The following JAM3 variants were observed in gnomAD, a reference collection of about 807,000 sequenced individuals.
JAM3 encodes the protein junctional adhesion molecule C.
A neutral mutation model predicts 39.4 loss-of-function variants in JAM3; 31 were observed. The observed-to-expected ratio is 0.79, with a 90% confidence interval of 0.59 to 1.06. The LOEUF (loss-of-function observed/expected upper bound fraction) is 1.06. Among genes scored for constraint, JAM3 ranks in the 50% least tolerant of loss-of-function variants. The pLI is 0.00. For missense variants in JAM3, 455 were observed against 391.4 expected, an observed-to-expected ratio of 1.16 and a Z score of -1.37; for synonymous variants, 182 against 148.7, an observed-to-expected ratio of 1.22 and a Z score of -1.63.
intron 3 of JAM3, among the ~76,000 whole-genome samples, chr11:134,142,569 C>T (rs1190450081): frequency 6.6e-6 from 1 of 152,116 alleles, no homozygotes; most frequent in Non-Finnish European, 1.5e-5. Context: ...TGTTGTTTTC[C>T]AGGTTCTTCC....
rs1565480779 is a variant in JAM3 at position 134,076,157 on chromosome 11, T to TC, written c.76+6998_76+6999insC. Reference sequence around the variant, plus strand: ...CTTTTCTTTTCTTTTCTTTCTTTTTTTTTTTTTTTTTTTTGAGATGGAGTT... The same window carrying TC: ...CTTTTCTTTTCTTTTCTTTCTTTTTTCTTTTTTTTTTTTTTGAGATGGAGTT... On this transcript the variant is annotated intron_variant, in intron 1 of 8. Coordinates refer to ENST00000299106, the MANE Select transcript of JAM3 (RefSeq NM_032801.5). 6.9e-4 allele frequency among the ~76,000 whole-genome samples: 100 copies of TC among 145,528 alleles called. 1 individual carries two copies. Among genetic ancestry groups the TC allele is most frequent in the African/African-American group, 2.4e-3 (95 of 39,930 alleles).
At chr11:134,116,940 A>G (rs1942445522) in intron 1 of JAM3, among the ~76,000 whole-genome samples, 1 of 152,132 alleles carries the variant, frequency 6.6e-6, no homozygotes, top group Non-Finnish European at 1.5e-5. Context: ...CTTGGCTGTC[A>G]TTACCTACAA....
chr11:134,112,289 T>G (rs1942328262), intron 1 of JAM3, among the ~76,000 whole-genome samples: 1 of 152,100 alleles, frequency 6.6e-6, no homozygotes, highest in Non-Finnish European at 1.5e-5. Context: ...GGTTTAACCA[T>G]GTTGACCAGG....
intron 1 of JAM3, among the ~76,000 whole-genome samples, chr11:134,135,628 C>T (rs1942851130): frequency 1.3e-5 from 2 of 151,792 alleles, no homozygotes; most frequent in Admixed American, 1.3e-4. Flanking sequence ...ACCCCCACCT[C>T]CTGGGTTCAA....
chr11:134,097,647 A>G (rs894211738), intron 1 of JAM3, among the ~76,000 whole-genome samples: 1 of 152,168 alleles, frequency 6.6e-6, no homozygotes, highest in African/African-American at 2.4e-5. Context: ...CAAGTTGCAA[A>G]GCATTAAAAA....
At chr11:134,082,935 C>T (rs1941690671) in intron 1 of JAM3, among the ~76,000 whole-genome samples, 1 of 152,140 alleles carries the variant, frequency 6.6e-6, no homozygotes, top group Non-Finnish European at 1.5e-5. Context: ...GAGTGGTATG[C>T]AAAAGCATTA....
At chr11:134,114,112 G>T (rs995040039) in intron 1 of JAM3, among the ~76,000 whole-genome samples, 13 of 152,118 alleles carry the variant, frequency 8.5e-5, no homozygotes, top group Non-Finnish European at 1.5e-4. Flanking sequence ...CAGATGAGTA[G>T]GTTGCAAAAA....
rs568551205 is a variant in JAM3 at position 134,082,235 on chromosome 11, C to T, written c.76+13076C>T. Among the ~76,000 whole-genome samples the T allele has an allele frequency of 2.6e-5, 4 of 152,344 alleles. No individual in the cohort carries two copies. The South Asian group carries it at 6.2e-4, about 24-fold the overall frequency. Reference sequence around the variant, plus strand: ...AGTAACTAACTTGCTTTTGATTTTACAGGTTCATAGGCAGAAGGGACTTGC... The same window carrying T: ...AGTAACTAACTTGCTTTTGATTTTATAGGTTCATAGGCAGAAGGGACTTGC... On this transcript the variant is annotated intron_variant, in intron 1 of 8. Transcript: ENST00000299106.
intron 1 of JAM3, among the ~76,000 whole-genome samples, chr11:134,105,014 G>C (rs1252505481): frequency 6.6e-6 from 1 of 152,142 alleles, no homozygotes; most frequent in African/African-American, 2.4e-5. Context: ...TATGAGGCCA[G>C]GATCATCGTG....
At chr11:134,116,386 C>T (rs977139193) in intron 1 of JAM3, among the ~76,000 whole-genome samples, 3 of 151,562 alleles carry the variant, frequency 2.0e-5, no homozygotes, top group Non-Finnish European at 4.4e-5. Context: ...GAAAATTTGG[C>T]CTCTGTCTCT....
At chr11:134,139,658 T>G (rs1336910365) in intron 1 of JAM3, 193 bp from the exon 2 acceptor site, 1 of 618,724 alleles carries the variant, frequency 1.6e-6, no homozygotes, top group Non-Finnish European at 2.9e-6. Flanking sequence ...CCTTGGCTCC[T>G]TCCAGTGAAG....
intron 1 of JAM3, among the ~76,000 whole-genome samples, chr11:134,123,201 TTTTA>T (rs1327757965): frequency 6.0e-5 from 9 of 150,138 alleles, no homozygotes; most frequent in South Asian, 2.1e-4. Flanking sequence ...ATGTCACTGC[TTTTA>T]TTTATTTAGT....
At chr11:134,116,523 C>T (rs1942436821) in intron 1 of JAM3, among the ~76,000 whole-genome samples, 1 of 152,140 alleles carries the variant, frequency 6.6e-6, no homozygotes. Context: ...CCACTGGAAG[C>T]TCTTTCAGGT....
chr11:134,144,135 C>A, intron 3 of JAM3, 106 bp from the exon 4 acceptor site: 1 of 1,036,608 alleles, frequency 9.6e-7, no homozygotes, highest in Non-Finnish European at 1.5e-6. Context: ...TATTGATCTG[C>A]AGGCTTCCTT....
At position 134,145,036 on chromosome 11, in the gene JAM3, T is replaced by A. The variant is rs147329497; in HGVS notation, c.612+42T>A. The stretch of plus-strand genomic sequence containing the variant: ...GAGGTGAGGATGGAGATGTCTTTGT[T>A]GGGGCAAGAGATGCTTATTGTGAAA... On this transcript the variant is annotated intron_variant, in intron 5 of 8. Transcript: ENST00000299106. The A allele has an allele frequency of 8.4e-5, 124 of 1,473,780 alleles. 1 individual carries two copies. The East Asian group carries it at 2.8e-3, about 33-fold the overall frequency. The allele number at this position is 1,473,780 out of a possible 1,614,324, so 91.3% of individuals were successfully genotyped here.
chr11:134,094,368 G>A (rs1190893547), intron 1 of JAM3, among the ~76,000 whole-genome samples: 1 of 135,106 alleles, frequency 7.4e-6, no homozygotes, highest in Admixed American at 7.5e-5. Flanking sequence ...CACTTCCTGA[G>A]GGAAGCTTCT....
chr11:134,148,919 T>C (rs1943131396), intron 8 of JAM3, 101 bp downstream of exon 8: 1 of 1,229,290 alleles, frequency 8.1e-7, no homozygotes, highest in Admixed American at 1.9e-5. Flanking sequence ...TTCTGAGTGA[T>C]TGTGCAGCTC....
At chr11:134,098,457 A>G (rs1250618928) in intron 1 of JAM3, among the ~76,000 whole-genome samples, 1 of 152,218 alleles carries the variant, frequency 6.6e-6, no homozygotes, top group South Asian at 2.1e-4. Flanking sequence ...GTTTTAATCA[A>G]TTGTGAAGGA....
At chr11:134,137,046 G>T (rs1031853664) in intron 1 of JAM3, among the ~76,000 whole-genome samples, 7 of 151,824 alleles carry the variant, frequency 4.6e-5, no homozygotes, top group Admixed American at 2.0e-4. Flanking sequence ...CCAAGAGGCG[G>T]AGCTTGCAGT....
Sources: allele counts gnomAD v4.1 joint callset (sites outside exome capture counted in the v4.1 genomes callset), GRCh38; gene constraint gnomAD v4.1.1; transcripts MANE v1.5; gene names NCBI Gene and HGNC (gene_info 2026-07-23, HGNC 2026-07-21).